DOCK2: variants seen among roughly 807,000 people sequenced by gnomAD.
DOCK2 encodes dedicator of cytokinesis protein 2.
In DOCK2, 87 loss-of-function variants were observed where a neutral mutation model predicts 248.9. The ratio of observed to expected loss-of-function variants is 0.35; its 90% confidence interval spans 0.29 to 0.42. The LOEUF is 0.42. Ranked by LOEUF, DOCK2 falls within the 10% of genes least tolerant of loss-of-function variation. The pLI, the probability that DOCK2 is intolerant of heterozygous loss-of-function variation, is 1.00. For missense variants in DOCK2, 1,747 were observed against 2,300.2 expected, an observed-to-expected ratio of 0.76 and a Z score of 4.92; for synonymous variants, 805 against 821.6, an observed-to-expected ratio of 0.98 and a Z score of 0.35.
rs1483308969 is a variant in DOCK2 at position 170,077,980 on chromosome 5, C to G, written c.4994+143C>G. 5 of 705,464 alleles carry G rather than the reference C, an allele frequency of 7.1e-6. No individual in the cohort carries two copies. In the African/African-American group the frequency reaches 8.9e-5, roughly 13 times the overall value. The allele number at this position is 705,464 out of a possible 1,614,324, so 43.7% of individuals were successfully genotyped here. A position where few individuals can be genotyped will look rare whatever the true frequency, so the allele number is the denominator to read the frequency against. ...AAAAGCCTTTTCCCATCTGCAGTCT[C>G]ACAACTACCCCAGGAGGCTCATGGT... is the stretch of plus-strand genomic sequence containing the variant. On this transcript the variant is annotated intron_variant, in intron 48 of 51. Transcript: ENST00000520908.
chr5:169,850,849 A>C (rs1770584018), intron 27 of DOCK2, among the ~76,000 whole-genome samples: 1 of 152,192 alleles, frequency 6.6e-6, no homozygotes, highest in African/African-American at 2.4e-5. Flanking sequence ...GAATGCCACG[A>C]AAAACTTTAA....
At chr5:169,762,503 G>A (rs760604742) in intron 25 of DOCK2, among the ~76,000 whole-genome samples, 5 of 152,154 alleles carry the variant, frequency 3.3e-5, no homozygotes, top group Non-Finnish European at 7.4e-5. Context: ...CAGTCAACTG[G>A]ATGTCGATAG....
At chr5:170,039,835 G>T (rs1756454729) in intron 36 of DOCK2, among the ~76,000 whole-genome samples, 1 of 152,166 alleles carries the variant, frequency 6.6e-6, no homozygotes, top group Non-Finnish European at 1.5e-5. Context: ...TGGCACCATG[G>T]CAGGCATTCC....
chr5:169,859,884 T>G (rs938997106), intron 27 of DOCK2, among the ~76,000 whole-genome samples: 4 of 152,060 alleles, frequency 2.6e-5, no homozygotes, highest in African/African-American at 9.7e-5. Flanking sequence ...GTATTTTATG[T>G]GCCCATGTGC....
At chr5:169,967,097 G>A (rs1777329598) in intron 27 of DOCK2, among the ~76,000 whole-genome samples, 1 of 152,336 alleles carries the variant, frequency 6.6e-6, no homozygotes, top group East Asian at 1.9e-4. Context: ...TAAGGAGAAA[G>A]TAGGACACTG....
chr5:169,801,863 T>C (rs1447319596), intron 25 of DOCK2, among the ~76,000 whole-genome samples: 1 of 151,594 alleles, frequency 6.6e-6, no homozygotes, highest in Non-Finnish European at 1.5e-5. Flanking sequence ...AAGTACCTAA[T>C]GGGCAGAACC....
intron 27 of DOCK2, among the ~76,000 whole-genome samples, chr5:169,872,209 T>C (rs1772022184): frequency 6.6e-6 from 1 of 152,192 alleles, no homozygotes; most frequent in Non-Finnish European, 1.5e-5. Flanking sequence ...CACCACTGAT[T>C]TACTGACCTC....
At chr5:170,037,806 C>T (rs969510320) in intron 36 of DOCK2, among the ~76,000 whole-genome samples, 2 of 152,118 alleles carry the variant, frequency 1.3e-5, no homozygotes, top group Non-Finnish European at 2.9e-5. Flanking sequence ...AATTCTTGGA[C>T]GTATACCTTT....
intron 9 of DOCK2, among the ~76,000 whole-genome samples, chr5:169,691,372 G>A (rs990796891): frequency 6.6e-5 from 10 of 152,150 alleles, no homozygotes; most frequent in Non-Finnish European, 1.5e-5. Flanking sequence ...GACCATATCA[G>A]GGGGCAAGGA....
intron 36 of DOCK2, among the ~76,000 whole-genome samples, chr5:170,037,279 A>G (rs1426975248): frequency 4.6e-5 from 7 of 151,906 alleles, no homozygotes; most frequent in Non-Finnish European, 8.8e-5. Context: ...TTTTGCAAAA[A>G]TGGGTTTATA....
intron 2 of DOCK2, among the ~76,000 whole-genome samples, chr5:169,658,834 C>T (rs2113211320): frequency 6.6e-6 from 1 of 151,752 alleles, no homozygotes; most frequent in South Asian, 2.1e-4. Flanking sequence ...CCCTTGAGCC[C>T]AGGAGTTTAA....
At chr5:169,808,151 C>A (rs1404662838) in intron 26 of DOCK2, among the ~76,000 whole-genome samples, 2 of 152,110 alleles carry the variant, frequency 1.3e-5, no homozygotes, top group Non-Finnish European at 2.9e-5. Flanking sequence ...GCCATTTTTA[C>A]TGGCTTTTAG....
chr5:169,751,214 A>G (rs1238413639), intron 23 of DOCK2, among the ~76,000 whole-genome samples: 1 of 152,232 alleles, frequency 6.6e-6, no homozygotes, highest in Non-Finnish European at 1.5e-5. Flanking sequence ...ACTAGTGAGG[A>G]TTCAGAAGGC....
At position 169,747,380 on chromosome 5, in the gene DOCK2, A is replaced by G. The variant is rs1480698656; in HGVS notation, c.2268-16A>G. The stretch of plus-strand genomic sequence containing the variant: ...TCTGTTAGCTTGAGAAATGACCCAG[A>G]TGTATCTTGTTTCAGGCTTTATGAA... On this transcript the variant is annotated splice_polypyrimidine_tract_variant and intron_variant, in intron 22 of 51. Coordinates refer to ENST00000520908, the MANE Select transcript of DOCK2 (RefSeq NM_004946.3). The G allele has an allele frequency of 8.1e-6, 13 of 1,606,374 alleles. No homozygotes were observed. The highest frequency in any genetic ancestry group is 1.1e-5 in the Non-Finnish European group (13 of 1,176,126).
At chr5:169,787,706 C>CT (rs71575577) in intron 25 of DOCK2, among the ~76,000 whole-genome samples, 1,972 of 136,504 alleles carry the variant, frequency 0.014, 92 homozygotes, top group Admixed American at 0.1. Context: ...TCCACTTTTG[C>CT]TTTTTTTTTT....
Position 169,938,930 on chromosome 5 carries a change from G to T in DOCK2, c.2800-44138G>T, listed in dbSNP as rs190828027. 5.2e-3 allele frequency among the ~76,000 whole-genome samples: 762 copies of T among 147,524 alleles called. 3 individuals are homozygous for T. The highest frequency in any genetic ancestry group is 0.017 in the African/African-American group (675 of 39,974). ...CTTTTCTTTTTTTTTTTGAAATGGA[G>T]TCTTGCTCTGTCGCCCAGGCTGGAG... On this transcript the variant is annotated intron_variant, in intron 27 of 51. Transcript: ENST00000520908.
intron 22 of DOCK2, among the ~76,000 whole-genome samples, chr5:169,723,412 A>G (rs1762306684): frequency 1.3e-5 from 2 of 152,230 alleles, no homozygotes. Flanking sequence ...AGTACCTACC[A>G]TACAGGGTTG....
At chr5:169,886,439 C>T (rs1417047535) in intron 27 of DOCK2, among the ~76,000 whole-genome samples, 1 of 152,236 alleles carries the variant, frequency 6.6e-6, no homozygotes, top group Non-Finnish European at 1.5e-5. Context: ...ACAATTTCCT[C>T]AGTCCATGAC....
intron 26 of DOCK2, among the ~76,000 whole-genome samples, chr5:169,804,161 A>G (rs1249126133): frequency 6.6e-6 from 1 of 152,164 alleles, no homozygotes; most frequent in Non-Finnish European, 1.5e-5. Context: ...AACTCTGCAG[A>G]GCAATGTTCC....
Sources: allele counts gnomAD v4.1 joint callset (sites outside exome capture counted in the v4.1 genomes callset), GRCh38; gene constraint gnomAD v4.1.1; transcripts MANE v1.5; gene names NCBI Gene and HGNC (gene_info 2026-07-23, HGNC 2026-07-21).